GRID1: variants seen among roughly 807,000 people sequenced by gnomAD.
GRID1 encodes the protein glutamate ionotropic receptor delta type subunit 1.
A neutral mutation model predicts 98.0 loss-of-function variants in GRID1; 28 were observed. That is an observed-to-expected ratio of 0.29 (90% CI 0.21 to 0.39). The LOEUF is 0.39. Among genes scored for constraint, GRID1 ranks in the 10% least tolerant of loss-of-function variants. GRID1 has a pLI of 1.00. For missense variants in GRID1, 1,111 were observed against 1,340.5 expected (o/e 0.83, Z 2.67); for synonymous variants, 553 against 538.5 (o/e 1.03, Z -0.37).
At chr10:85,833,798 T>C (rs1262741387) in intron 8 of GRID1, among the ~76,000 whole-genome samples, 1 of 152,066 alleles carries the variant, frequency 6.6e-6, no homozygotes, top group African/African-American at 2.4e-5. Flanking sequence ...TAGAACTAAA[T>C]GGAAATTATG....
Position 85,774,737 on chromosome 10 carries a change from A to C in GRID1, c.1234-45123T>G, listed in dbSNP as rs368283781. On this transcript the variant is annotated intron_variant, in intron 8 of 15. Transcript: ENST00000327946. ...AACACATGAAAAAATGCTCACCATC[A>C]CTGGCCATCAGAGAAATGCAAATCA... 4.0e-5 allele frequency among the ~76,000 whole-genome samples: 6 copies of C among 150,564 alleles called. No individual in the cohort carries two copies. In the East Asian group the frequency reaches 7.8e-4, roughly 20 times the overall value.
intron 2 of GRID1, among the ~76,000 whole-genome samples, chr10:86,284,746 C>T (rs1847404897): frequency 6.6e-6 from 1 of 152,252 alleles, no homozygotes; most frequent in South Asian, 2.1e-4. Flanking sequence ...GGGAAGGCCA[C>T]AATGCCATCC....
chr10:85,790,512 A>G (rs1842468408), intron 8 of GRID1, among the ~76,000 whole-genome samples: 1 of 152,192 alleles, frequency 6.6e-6, no homozygotes, highest in African/African-American at 2.4e-5. Flanking sequence ...TGTTTCTATC[A>G]AAGGAAGGTC....
At chr10:86,157,729 G>A (rs1589391320) in intron 3 of GRID1, among the ~76,000 whole-genome samples, 1 of 152,308 alleles carries the variant, frequency 6.6e-6, no homozygotes, top group East Asian at 1.9e-4. Context: ...GAGTGACAGT[G>A]AGGTTACCCT....
chr10:86,015,735 C>A (rs1842972398), intron 4 of GRID1, among the ~76,000 whole-genome samples: 1 of 152,166 alleles, frequency 6.6e-6, no homozygotes, highest in Non-Finnish European at 1.5e-5. Context: ...CTGTGACCTG[C>A]CTAGTGTCTT....
At chr10:85,644,651 C>T (rs1192149907) in intron 13 of GRID1, among the ~76,000 whole-genome samples, 1 of 152,052 alleles carries the variant, frequency 6.6e-6, no homozygotes, top group Non-Finnish European at 1.5e-5. Flanking sequence ...TTCTTGTCTC[C>T]AAAAGTGCAT....
intron 2 of GRID1, among the ~76,000 whole-genome samples, chr10:86,253,645 G>T (rs1046442117): frequency 6.6e-6 from 1 of 152,180 alleles, no homozygotes. Context: ...GGGAGGACAA[G>T]AAGGCCAGGC....
intron 4 of GRID1, among the ~76,000 whole-genome samples, chr10:86,031,209 T>C (rs1843181025): frequency 6.6e-6 from 1 of 152,156 alleles, no homozygotes; most frequent in Non-Finnish European, 1.5e-5. Context: ...ACATATACAC[T>C]AGGTAATACC....
chr10:86,105,346 G>A (rs1016880036), intron 4 of GRID1, among the ~76,000 whole-genome samples: 2 of 152,160 alleles, frequency 1.3e-5, no homozygotes. Context: ...AGAGGGTGTA[G>A]CGCTCTGGCC....
chr10:86,127,270 G>T (rs921803102), intron 4 of GRID1, among the ~76,000 whole-genome samples: 1 of 152,160 alleles, frequency 6.6e-6, no homozygotes, highest in African/African-American at 2.4e-5. Flanking sequence ...AGTGTAAGAG[G>T]TCCAGGGATG....
chr10:85,707,043 T>C (rs1841528133), intron 12 of GRID1, among the ~76,000 whole-genome samples: 1 of 152,192 alleles, frequency 6.6e-6, no homozygotes, highest in African/African-American at 2.4e-5. Context: ...AATCAGGACA[T>C]AGGCATGGAC....
intron 4 of GRID1, among the ~76,000 whole-genome samples, chr10:86,109,592 C>A (rs915554442): frequency 6.6e-6 from 1 of 152,224 alleles, no homozygotes; most frequent in African/African-American, 2.4e-5. Flanking sequence ...ATAAGCCAGG[C>A]CTGCCATTGG....
At chr10:86,235,002 C>T (rs562870086) in intron 2 of GRID1, among the ~76,000 whole-genome samples, 3 of 152,302 alleles carry the variant, frequency 2.0e-5, no homozygotes, top group African/African-American at 4.8e-5. Context: ...GGAGAAAGCT[C>T]CACGGACGTG....
chr10:85,870,131 G>A (rs984042770), intron 5 of GRID1, among the ~76,000 whole-genome samples: 2 of 152,176 alleles, frequency 1.3e-5, no homozygotes, highest in African/African-American at 4.8e-5. Context: ...AGGCAGACCC[G>A]CCCTCAATCT....
At chr10:86,358,378 T>C (rs1041775045) in intron 2 of GRID1, among the ~76,000 whole-genome samples, 4 of 152,226 alleles carry the variant, frequency 2.6e-5, no homozygotes, top group African/African-American at 9.6e-5. Context: ...CTCAAAGATG[T>C]CTACATCCTA....
At chr10:85,613,740 A>G in intron 14 of GRID1, 93 bp from the exon 15 acceptor site, 1 of 1,449,788 alleles carries the variant, frequency 6.9e-7, no homozygotes, top group South Asian at 1.3e-5. Flanking sequence ...TGGCCCCACC[A>G]CAGACAACAT....
intron 3 of GRID1, among the ~76,000 whole-genome samples, chr10:86,165,943 G>A (rs145402132): frequency 4.6e-5 from 7 of 152,264 alleles, no homozygotes; most frequent in Non-Finnish European, 7.4e-5. Context: ...AGGAGGCTCC[G>A]GTCATGCTGA....
chr10:86,156,245 G>T (rs760127021), intron 3 of GRID1, among the ~76,000 whole-genome samples: 48 of 152,192 alleles, frequency 3.2e-4, no homozygotes, highest in Non-Finnish European at 6.0e-4. Flanking sequence ...GCTCTTGTTT[G>T]GGGGAATGAC....
chr10:86,093,368 G>A (rs1393844380), intron 4 of GRID1, among the ~76,000 whole-genome samples: 1 of 146,350 alleles, frequency 6.8e-6, no homozygotes, highest in Non-Finnish European at 1.5e-5. Context: ...ACCAAGATCA[G>A]AGCAGAACTA....
Sources: allele counts gnomAD v4.1 joint callset (sites outside exome capture counted in the v4.1 genomes callset), GRCh38; gene constraint gnomAD v4.1.1; transcripts MANE v1.5; gene names NCBI Gene and HGNC (gene_info 2026-07-23, HGNC 2026-07-21).